The following FNBP1 variants were observed in gnomAD, a reference collection of about 807,000 sequenced individuals.
The protein encoded by FNBP1 is formin-binding protein 1.
Under a neutral mutation model 90.6 loss-of-function variants are expected in FNBP1, and 26 were observed. That is an observed-to-expected ratio of 0.29 (90% CI 0.21 to 0.40). The LOEUF (loss-of-function observed/expected upper bound fraction) is 0.40, where lower values mean the gene tolerates loss of function less well. Among genes scored for constraint, FNBP1 ranks in the 10% least tolerant of loss-of-function variants. The probability of loss-of-function intolerance (pLI) is 1.00; values close to 1 mark genes in which losing one functional copy is unlikely to be tolerated. For missense variants in FNBP1, 635 were observed against 768.0 expected (o/e 0.83, Z 2.05); for synonymous variants, 260 against 265.2 (o/e 0.98, Z 0.19).
Position 129,980,309 on chromosome 9 carries a change from G to A in FNBP1, c.141-935C>T, listed in dbSNP as rs186594662. On this transcript the variant is annotated intron_variant, in intron 2 of 16. Coordinates refer to ENST00000446176, the MANE Select transcript of FNBP1 (RefSeq NM_015033.3). ...CGGGAGGAGGAGGTTTCGGTGAGCCGAGATCGCACCATTGCACTCCAGCCT... is the reference window on the plus strand; with the variant it reads ...CGGGAGGAGGAGGTTTCGGTGAGCCAAGATCGCACCATTGCACTCCAGCCT... Among the ~76,000 whole-genome samples the A allele has an allele frequency of 5.2e-3, 779 of 149,334 alleles. 6 individuals carry two copies. The highest frequency in any genetic ancestry group is 8.3e-3 in the Non-Finnish European group (559 of 67,532).
Position 129,968,069 on chromosome 9 carries a change from G to T in FNBP1, c.346-9516C>A, listed in dbSNP as rs181558723. Among the ~76,000 whole-genome samples the T allele has an allele frequency of 3.8e-4, 57 of 151,672 alleles. No homozygotes were observed. The East Asian group carries it at 0.011, about 29-fold the overall frequency. ...AGTGGTGAAAGGGCCCACTTTTAATGAACAGAATGCCACTTTTACATGTTC... is the reference window on the plus strand; with the variant it reads ...AGTGGTGAAAGGGCCCACTTTTAATTAACAGAATGCCACTTTTACATGTTC... On this transcript the variant is annotated intron_variant, in intron 4 of 16. Coordinates refer to ENST00000446176, the MANE Select transcript of FNBP1 (RefSeq NM_015033.3).
intron 1 of FNBP1, among the ~76,000 whole-genome samples, chr9:129,997,786 C>T (rs1287987223): frequency 1.3e-5 from 2 of 152,118 alleles, no homozygotes; most frequent in Non-Finnish European, 2.9e-5. Flanking sequence ...GACTTCAAGG[C>T]TGCAGTGAGT....
intron 1 of FNBP1, among the ~76,000 whole-genome samples, chr9:129,998,208 A>T (rs893934087): frequency 1.4e-4 from 20 of 144,384 alleles, no homozygotes; most frequent in African/African-American, 5.1e-4. Context: ...AAAAAAAAAA[A>T]AAAGAAAAAA....
At chr9:130,052,796 C>T in the FNBP1 span, among the ~76,000 whole-genome samples, 1 of 151,934 alleles carries the variant, frequency 6.6e-6, no homozygotes, top group Non-Finnish European at 1.5e-5. Context: ...TTCAAAGATG[C>T]CACTTAACTT....
At position 130,042,339 on chromosome 9, in the gene FNBP1, C is replaced by T. The variant is rs547276; in HGVS notation, c.24+613G>A. Among the ~76,000 whole-genome samples, 1,841 of 152,270 alleles carry T rather than the reference C, an allele frequency of 0.012. 23 individuals are homozygous for T. The highest frequency in any genetic ancestry group is 0.054 in the Middle Eastern group (16 of 294). On this transcript the variant is annotated intron_variant, in intron 1 of 16. Coordinates refer to ENST00000446176, the MANE Select transcript of FNBP1 (RefSeq NM_015033.3). The surrounding 1 kb of genome is among the most constrained non-coding windows in gnomAD (Gnocchi z 5.5). ...GACCAGACGTCGCAGTGCCCACATCCCACTCAGGATTGAGCTACCCCGAAA... is the reference window on the plus strand; with the variant it reads ...GACCAGACGTCGCAGTGCCCACATCTCACTCAGGATTGAGCTACCCCGAAA...
rs537452247 is a variant in FNBP1 at position 129,905,882 on chromosome 9, T to A, written c.1296-2881A>T. ...TGGCTTATTTAGAGGCATATTTCTT[T>A]TTTTTTTTGTTTTTTTTTGAGACTG... On this transcript the variant is annotated intron_variant, in intron 12 of 16. Coordinates refer to ENST00000446176, the MANE Select transcript of FNBP1 (RefSeq NM_015033.3). Among the ~76,000 whole-genome samples, 1,045 of 151,048 alleles carry A rather than the reference T, an allele frequency of 6.9e-3. 7 individuals are homozygous for A. The highest frequency in any genetic ancestry group is 0.02 in the East Asian group (102 of 5,136).
chr9:129,905,294 G>GTATGTATATATA lies in FNBP1; in HGVS notation c.1296-2294_1296-2293insTATATATACATA, dbSNP rs1554766953. Among the ~76,000 whole-genome samples the GTATGTATATATA allele has an allele frequency of 4.5e-5, 6 of 132,346 alleles. No individual in the cohort carries two copies. In the East Asian group the frequency reaches 1.4e-3, roughly 30 times the overall value. The allele number at this position is 132,346 out of a possible 152,430, so 86.8% of individuals were successfully genotyped here. A position where few individuals can be genotyped will look rare whatever the true frequency, so the allele number is the denominator to read the frequency against. On this transcript the variant is annotated intron_variant, in intron 12 of 16. Transcript: ENST00000446176. ...TTGAATTGTGTGTGTGTGTGTGTGT[G>GTATGTATATATA]TATATATATATATATATATTTTGTT...
intron 1 of FNBP1, among the ~76,000 whole-genome samples, chr9:130,004,087 T>C (rs2055289942): frequency 6.6e-6 from 1 of 151,448 alleles, no homozygotes; most frequent in Admixed American, 6.6e-5. Context: ...AATATGGTGT[T>C]TTCCTGTAAT....
intron 16 of FNBP1, among the ~76,000 whole-genome samples, chr9:129,891,012 T>C (rs1295642639): frequency 1.3e-5 from 2 of 151,784 alleles, no homozygotes; most frequent in Non-Finnish European, 2.9e-5. Context: ...ACAATTAGCC[T>C]GGCGTGGTGG....
chr9:129,991,223 G>A (rs1309127387), intron 2 of FNBP1, among the ~76,000 whole-genome samples: 2 of 151,622 alleles, frequency 1.3e-5, no homozygotes, highest in Non-Finnish European at 2.9e-5. Flanking sequence ...AACCAGGAAG[G>A]ATGCAGCTAC....
In FNBP1 at chr9:129,888,384, G is replaced by A. The variant is rs917515853; in HGVS notation, c.*2155C>T. The A allele has an allele frequency of 8.6e-6, 2 of 232,596 alleles. No homozygotes were observed. The highest frequency in any genetic ancestry group is 4.4e-5 in the African/African-American group (2 of 45,306). 14.4% of individuals were successfully genotyped at this position (232,596 alleles called of 1,614,324 possible). A position where few individuals can be genotyped will look rare whatever the true frequency, so the allele number is the denominator to read the frequency against. ...AGATCCCTGTCGTCCCCGTTGGCGG[G>A]GGAGCCCATTGTGGAGCTGTGGGGA... On this transcript the variant is annotated 3_prime_UTR_variant, in exon 17 of 17. Coordinates refer to ENST00000446176, the MANE Select transcript of FNBP1 (RefSeq NM_015033.3).
intron 2 of FNBP1, among the ~76,000 whole-genome samples, chr9:129,982,128 G>A (rs901918393): frequency 6.6e-6 from 1 of 152,220 alleles, no homozygotes; most frequent in South Asian, 2.1e-4. Context: ...ACAGGTCTTT[G>A]AGTTGGATTA....
At chr9:129,975,747 T>G (rs1211935445) in intron 4 of FNBP1, among the ~76,000 whole-genome samples, 1 of 151,178 alleles carries the variant, frequency 6.6e-6, no homozygotes, top group Non-Finnish European at 1.5e-5. Flanking sequence ...ACCAAAAATA[T>G]AAAAAATTAG....
At chr9:129,926,749 T>C (rs919752875) in intron 8 of FNBP1, among the ~76,000 whole-genome samples, 7 of 37,108 alleles carry the variant, frequency 1.9e-4, no homozygotes, top group Admixed American at 1.9e-3. Context: ...TAGCTGGGCG[T>C]GGTGCGGGCG....
In FNBP1 at chr9:129,905,771, C is replaced by T. The variant is rs114662479; in HGVS notation, c.1296-2770G>A. ...CTATATGCGTGGCTTTAAGGACATC[C>T]CACAAACTATATATAGAATGTATGT... On this transcript the variant is annotated intron_variant, in intron 12 of 16. Transcript: ENST00000446176. Among the ~76,000 whole-genome samples, 807 of 152,148 alleles carry T rather than the reference C, an allele frequency of 5.3e-3. 3 individuals are homozygous for T. Among genetic ancestry groups the T allele is most frequent in the African/African-American group, 0.018 (760 of 41,508 alleles).
At chr9:130,047,243 A>C (rs990653922), upstream of FNBP1, among the ~76,000 whole-genome samples, 4 of 152,204 alleles carry the variant, frequency 2.6e-5, no homozygotes, top group African/African-American at 9.6e-5. Flanking sequence ...GTCCACTACA[A>C]AATTAATTAC....
At chr9:129,963,170 T>C (rs2048079874) in intron 4 of FNBP1, among the ~76,000 whole-genome samples, 1 of 152,162 alleles carries the variant, frequency 6.6e-6, no homozygotes. Flanking sequence ...CTCCAGCACC[T>C]CTGAAAGTGA....
chr9:130,015,636 T>C (rs2057153027), intron 1 of FNBP1, among the ~76,000 whole-genome samples: 1 of 152,256 alleles, frequency 6.6e-6, no homozygotes, highest in South Asian at 2.1e-4. Flanking sequence ...AAAACTACCT[T>C]ATTTGGTAGG....
intron 6 of FNBP1, among the ~76,000 whole-genome samples, chr9:129,949,827 C>T (rs1204988382): frequency 1.3e-5 from 2 of 151,372 alleles, no homozygotes; most frequent in Non-Finnish European, 2.9e-5. Context: ...AAAAGAAAAT[C>T]AGGCTTATAC....
Sources: allele counts gnomAD v4.1 joint callset (sites outside exome capture counted in the v4.1 genomes callset), GRCh38; gene constraint gnomAD v4.1.1; non-coding constraint Gnocchi (gnomAD v3.1); transcripts MANE v1.5; gene names NCBI Gene and HGNC (gene_info 2026-07-23, HGNC 2026-07-21).